PARD3: variants seen among roughly 807,000 people sequenced by gnomAD.
The protein encoded by PARD3 is par-3 family cell polarity regulator.
In PARD3, 75 loss-of-function variants were observed where a neutral mutation model predicts 155.4. The ratio of observed to expected loss-of-function variants is 0.48; its 90% confidence interval spans 0.40 to 0.58. PARD3 has a LOEUF of 0.58. Ranked by LOEUF, PARD3 falls within the 20% of genes least tolerant of loss-of-function variation. The pLI, the probability that PARD3 is intolerant of heterozygous loss-of-function variation, is 0.00. For missense variants in PARD3, 1,642 were observed against 1,721.7 expected (o/e 0.95, Z 0.82); for synonymous variants, 576 against 610.5 (o/e 0.94, Z 0.83).
intron 20 of PARD3, among the ~76,000 whole-genome samples, chr10:34,295,204 A>G (rs1316125144): frequency 6.6e-6 from 1 of 152,172 alleles, no homozygotes; most frequent in African/African-American, 2.4e-5. Flanking sequence ...TGGTTAAGAA[A>G]CCATCTGAAA....
chr10:34,579,915 A>G (rs1267703947), intron 2 of PARD3, among the ~76,000 whole-genome samples: 2 of 148,282 alleles, frequency 1.3e-5, no homozygotes, highest in Non-Finnish European at 3.0e-5. Flanking sequence ...ACAGAAAAAA[A>G]AAAAAATAGT....
intron 2 of PARD3, among the ~76,000 whole-genome samples, chr10:34,661,024 C>CA (rs2093312689): frequency 6.6e-6 from 1 of 151,952 alleles, no homozygotes; most frequent in Admixed American, 6.6e-5. Context: ...GAATTGACAA[C>CA]ATTCTTTTCT....
At chr10:34,643,986 T>C (rs2092758919) in intron 2 of PARD3, among the ~76,000 whole-genome samples, 1 of 152,196 alleles carries the variant, frequency 6.6e-6, no homozygotes, top group Admixed American at 6.5e-5. Flanking sequence ...GAGGGATGTG[T>C]ATGTGCCTTC....
chr10:34,814,526 C>T (rs1407854400), intron 1 of PARD3, among the ~76,000 whole-genome samples: 2 of 152,122 alleles, frequency 1.3e-5, no homozygotes, highest in East Asian at 3.9e-4. Flanking sequence ...GCGCCCCCCG[C>T]GCGCTGGCTC....
intron 2 of PARD3, among the ~76,000 whole-genome samples, chr10:34,625,847 A>C (rs1308256813): frequency 6.6e-6 from 1 of 151,924 alleles, no homozygotes; most frequent in Non-Finnish European, 1.5e-5. Context: ...GGAAGCGGAG[A>C]TTGAGGTGAG....
intron 22 of PARD3, among the ~76,000 whole-genome samples, chr10:34,198,871 C>A: frequency 6.6e-6 from 1 of 152,126 alleles, no homozygotes; most frequent in East Asian, 1.9e-4. Flanking sequence ...TGCTCAGGAG[C>A]CCTGCTCCAT....
At chr10:34,616,023 G>T (rs2091228716) in intron 2 of PARD3, among the ~76,000 whole-genome samples, 1 of 152,128 alleles carries the variant, frequency 6.6e-6, no homozygotes. Context: ...AGCAATTATA[G>T]AAAACAGAAT....
intron 22 of PARD3, among the ~76,000 whole-genome samples, chr10:34,238,973 T>G (rs891810256): frequency 1.3e-5 from 2 of 152,322 alleles, no homozygotes; most frequent in African/African-American, 4.8e-5. Context: ...TTCTTCCTCA[T>G]GCCACCAGTT....
chr10:34,387,509 G>C (rs1046283637), intron 7 of PARD3, among the ~76,000 whole-genome samples: 4 of 152,002 alleles, frequency 2.6e-5, no homozygotes, highest in Non-Finnish European at 5.9e-5. Flanking sequence ...CAAACCCCGG[G>C]GCTCAAGCAA....
At chr10:34,741,248 G>A (rs115711718) in intron 1 of PARD3, among the ~76,000 whole-genome samples, 1,750 of 146,748 alleles carry the variant, frequency 0.012, 38 homozygotes, top group African/African-American at 0.042. Flanking sequence ...GTGGTGGTGC[G>A]ATCACAACCT....
intron 20 of PARD3, among the ~76,000 whole-genome samples, chr10:34,316,046 T>C (rs748083820): frequency 6.6e-6 from 1 of 152,216 alleles, no homozygotes; most frequent in Non-Finnish European, 1.5e-5. Context: ...CCCTGAGTTA[T>C]GGAGGTCAAT....
At chr10:34,527,403 T>C (rs1199464070) in intron 2 of PARD3, among the ~76,000 whole-genome samples, 1 of 152,132 alleles carries the variant, frequency 6.6e-6, no homozygotes, top group Non-Finnish European at 1.5e-5. Context: ...TTAGCTTCCA[T>C]CTAAAAGCAT....
chr10:34,638,445 T>C (rs1029502209), intron 2 of PARD3, among the ~76,000 whole-genome samples: 1 of 152,214 alleles, frequency 6.6e-6, no homozygotes, highest in African/African-American at 2.4e-5. Flanking sequence ...TACATCTAGG[T>C]AGCAGGAAAC....
At chr10:34,200,230 G>A (rs1951147284) in intron 22 of PARD3, among the ~76,000 whole-genome samples, 1 of 152,138 alleles carries the variant, frequency 6.6e-6, no homozygotes, top group African/African-American at 2.4e-5. Flanking sequence ...ATAGCTTATA[G>A]ACTTTAAGTA....
At position 34,283,705 on chromosome 10, in the gene PARD3, C is replaced by T. The variant is rs568087178; in HGVS notation, c.3176+430G>A. On this transcript the variant is annotated intron_variant, in intron 21 of 24. Transcript: ENST00000374788. ...ATAATGAATAACAGCCTCCTGAATTCTTATTATATTTAAAATGTGATATAA... is the reference window on the plus strand; with the variant it reads ...ATAATGAATAACAGCCTCCTGAATTTTTATTATATTTAAAATGTGATATAA... Among the ~76,000 whole-genome samples the T allele has an allele frequency of 3.3e-5, 5 of 152,074 alleles. No individual in the cohort carries two copies. The South Asian group carries it at 1.0e-3, about 32-fold the overall frequency.
intron 5 of PARD3, among the ~76,000 whole-genome samples, chr10:34,421,333 ATATT>A (rs1451015008): frequency 2.0e-5 from 3 of 149,760 alleles, no homozygotes; most frequent in Admixed American, 6.7e-5. Context: ...ATAAATTATA[ATATT>A]TAAAGTAAAT....
At chr10:34,430,552 A>G (rs2075848981) in intron 5 of PARD3, among the ~76,000 whole-genome samples, 1 of 152,210 alleles carries the variant, frequency 6.6e-6, no homozygotes, top group Admixed American at 6.5e-5. Context: ...TTAATATTGA[A>G]CCATATTATT....
chr10:34,338,767 G>A (rs944508366), intron 16 of PARD3, among the ~76,000 whole-genome samples: 7 of 152,164 alleles, frequency 4.6e-5, no homozygotes, highest in African/African-American at 1.7e-4. Flanking sequence ...CCACTGGGTA[G>A]GGTGACTTGA....
intron 3 of PARD3, among the ~76,000 whole-genome samples, chr10:34,473,001 T>C (rs137966753): frequency 1.3e-5 from 2 of 152,166 alleles, no homozygotes; most frequent in African/African-American, 4.8e-5. Flanking sequence ...GCTCTCGAAA[T>C]AAAATATGGA....
Sources: allele counts gnomAD v4.1 joint callset (sites outside exome capture counted in the v4.1 genomes callset), GRCh38; gene constraint gnomAD v4.1.1; transcripts MANE v1.5; gene names NCBI Gene and HGNC (gene_info 2026-07-23, HGNC 2026-07-21).